Variants in NUDT3 observed in about 807,000 individuals in gnomAD.
NUDT3 encodes nudix hydrolase 3, also known as diphosphoinositol polyphosphate phosphohydrolase 1.
Under a neutral mutation model 23.6 loss-of-function variants are expected in NUDT3, and 9 were observed. The observed-to-expected ratio is 0.38, with a 90% CI of 0.23 to 0.66. The LOEUF is 0.66. NUDT3 is among the 30% of genes least tolerant of loss of function. The pLI, the probability that NUDT3 is intolerant of heterozygous loss-of-function variation, is 0.52. For missense variants in NUDT3, 172 were observed against 218.5 expected, an observed-to-expected ratio of 0.79 and a Z score of 1.34; for synonymous variants, 86 against 82.6, an observed-to-expected ratio of 1.04 and a Z score of -0.22.
intron 1 of NUDT3, among the ~76,000 whole-genome samples, chr6:34,347,734 G>A (rs1408980108): frequency 1.3e-5 from 2 of 152,050 alleles, no homozygotes; most frequent in Non-Finnish European, 2.9e-5. Flanking sequence ...GAAACCCATA[G>A]TCCCTGCCCT....
At chr6:34,347,920 T>C (rs1233677801) in intron 1 of NUDT3, among the ~76,000 whole-genome samples, 2 of 151,752 alleles carry the variant, frequency 1.3e-5, no homozygotes, top group East Asian at 1.9e-4. Flanking sequence ...GGAGGTGCAC[T>C]TGCCAGGAGT....
chr6:34,353,433 C>T (rs1764508747), intron 1 of NUDT3, among the ~76,000 whole-genome samples: 1 of 138,718 alleles, frequency 7.2e-6, no homozygotes, highest in Non-Finnish European at 1.5e-5. Flanking sequence ...ATACACAACT[C>T]CCAAGTATTT....
intron 2 of NUDT3, among the ~76,000 whole-genome samples, chr6:34,334,623 A>T (rs1461272459): frequency 2.0e-5 from 3 of 151,826 alleles, no homozygotes; most frequent in African/African-American, 7.3e-5. Context: ...ACAACAGTGA[A>T]ACTCCATCTC....
chr6:34,295,700 G>C lies in NUDT3; in HGVS notation c.211-15C>G. 1 of 1,613,554 alleles carries C rather than the reference G, an allele frequency of 6.2e-7. No individual in the cohort carries two copies. Among genetic ancestry groups the C allele is most frequent in the Non-Finnish European group, 8.5e-7 (1 of 1,179,774 alleles). On this transcript the variant is annotated splice_polypyrimidine_tract_variant and intron_variant, in intron 2 of 4. Coordinates refer to ENST00000607016, the MANE Select transcript of NUDT3 (RefSeq NM_006703.4). ...TTTACTCCAGCCTAGAAAGTGAAAA[G>C]AACAATTAATGCACTGATAGTATTA...
chr6:34,343,399 A>T (rs567628095), intron 1 of NUDT3, among the ~76,000 whole-genome samples: 4 of 151,636 alleles, frequency 2.6e-5, no homozygotes, highest in Admixed American at 6.6e-5. Context: ...AAAAAAAAAA[A>T]AAAAATTAGC....
chr6:34,329,213 G>T (rs773992735), intron 2 of NUDT3, among the ~76,000 whole-genome samples: 3 of 151,986 alleles, frequency 2.0e-5, no homozygotes, highest in Admixed American at 6.6e-5. Context: ...TATATAGAGA[G>T]ATATACATAA....
chr6:34,347,855 G>A (rs1204409089), intron 1 of NUDT3, among the ~76,000 whole-genome samples: 2 of 151,978 alleles, frequency 1.3e-5, no homozygotes, highest in South Asian at 2.1e-4. Context: ...CTGCCCGGAC[G>A]TACTGGCTCA....
intron 2 of NUDT3, among the ~76,000 whole-genome samples, chr6:34,336,875 C>A (rs1330100243): frequency 2.6e-5 from 4 of 152,176 alleles, no homozygotes; most frequent in Non-Finnish European, 5.9e-5. Context: ...CTATTAAAAT[C>A]TCCTACATTT....
At chr6:34,351,285 G>A (rs1467736104) in intron 1 of NUDT3, among the ~76,000 whole-genome samples, 2 of 143,594 alleles carry the variant, frequency 1.4e-5, no homozygotes, top group Non-Finnish European at 3.0e-5. Context: ...GACCAGTCTG[G>A]GCAATATGGA....
chr6:34,354,064 C>T (rs1764520491), intron 1 of NUDT3, among the ~76,000 whole-genome samples: 2 of 151,692 alleles, frequency 1.3e-5, no homozygotes, highest in Non-Finnish European at 2.9e-5. Context: ...AATACAGGCA[C>T]CCACCATCAA....
At chr6:34,346,748 A>C (rs1764377439) in intron 1 of NUDT3, among the ~76,000 whole-genome samples, 1 of 152,054 alleles carries the variant, frequency 6.6e-6, no homozygotes, top group Non-Finnish European at 1.5e-5. Context: ...CAAAAAAAAA[A>C]AAAGTTTCTG....
At chr6:34,309,111 T>G (rs1763729282) in intron 2 of NUDT3, among the ~76,000 whole-genome samples, 1 of 152,218 alleles carries the variant, frequency 6.6e-6, no homozygotes, top group Non-Finnish European at 1.5e-5. Flanking sequence ...CTGGGGACAG[T>G]GGCTCACACC....
At chr6:34,387,083 C>T (rs961749494) in intron 1 of NUDT3, among the ~76,000 whole-genome samples, 1 of 152,148 alleles carries the variant, frequency 6.6e-6, no homozygotes, top group Non-Finnish European at 1.5e-5. Context: ...ATACTCCAGC[C>T]TGGGCAACAG....
chr6:34,339,192 G>A (rs988838517), intron 2 of NUDT3, among the ~76,000 whole-genome samples: 11 of 152,188 alleles, frequency 7.2e-5, no homozygotes, highest in Admixed American at 1.3e-4. Context: ...CCCTCCTTGT[G>A]ACTAAAGCAA....
At chr6:34,355,037 G>A (rs1477715558) in intron 1 of NUDT3, among the ~76,000 whole-genome samples, 3 of 151,816 alleles carry the variant, frequency 2.0e-5, no homozygotes, top group African/African-American at 7.3e-5. Context: ...ATGCCTTACT[G>A]AACTGGCTGG....
chr6:34,354,179 A>G (rs1055090371), intron 1 of NUDT3, among the ~76,000 whole-genome samples: 22 of 151,564 alleles, frequency 1.5e-4, no homozygotes, highest in Non-Finnish European at 2.8e-4. Flanking sequence ...CGGCTTCCCA[A>G]AGTGCTGGGA....
chr6:34,286,263 T>C lies in NUDT3; in HGVS notation c.*2490A>G, dbSNP rs1260553239. 1 of 152,048 alleles carries C rather than the reference T, an allele frequency of 6.6e-6. No homozygotes were observed. Among genetic ancestry groups the C allele is most frequent in the Non-Finnish European group, 1.5e-5 (1 of 68,036 alleles). The allele number at this position is 152,048 out of a possible 1,614,324, so 9.4% of individuals were successfully genotyped here. ...TGCCCAGCTAATTTTTGTATTTTAG[T>C]AGAGATGGGGTTTTGCCATGTTGGT... On this transcript the variant is annotated 3_prime_UTR_variant, in exon 5 of 5. Coordinates refer to ENST00000607016, the MANE Select transcript of NUDT3 (RefSeq NM_006703.4).
At chr6:34,346,199 G>A (rs1037941911) in intron 1 of NUDT3, among the ~76,000 whole-genome samples, 4 of 151,502 alleles carry the variant, frequency 2.6e-5, no homozygotes, top group African/African-American at 9.7e-5. Context: ...AAGTTAATTC[G>A]AATTACAAGG....
chr6:34,392,484 T>C lies in NUDT3; in HGVS notation c.-122A>G. 1.6e-6 allele frequency: 1 copy of C among 620,344 alleles called. No homozygotes were observed. The highest frequency in any genetic ancestry group is 1.9e-5 in the South Asian group (1 of 52,862). 38.4% of individuals were successfully genotyped at this position (620,344 alleles called of 1,614,324 possible). ...CCAAGGGAAGCAGGGAGGGGGAGCT[T>C]CTCCGCTACACGGCTCCGCCGCTGG... is the stretch of plus-strand genomic sequence containing the variant. On this transcript the variant is annotated 5_prime_UTR_variant, in exon 1 of 5. Transcript: ENST00000607016.
Sources: allele counts gnomAD v4.1 joint callset (sites outside exome capture counted in the v4.1 genomes callset), GRCh38; gene constraint gnomAD v4.1.1; transcripts MANE v1.5; gene names NCBI Gene and HGNC (gene_info 2026-07-23, HGNC 2026-07-21).